The following TDRD3 variants were observed in gnomAD, a reference collection of about 807,000 sequenced individuals.
The protein encoded by TDRD3 is tudor domain-containing protein 3.
TDRD3 carries 45 observed loss-of-function variants against 86.7 expected under a neutral mutation model. The observed-to-expected ratio is 0.52, with a 90% CI of 0.41 to 0.67. TDRD3 has a LOEUF of 0.67. Ranked by LOEUF, TDRD3 falls within the 30% of genes least tolerant of loss-of-function variation. TDRD3 has a pLI of 0.00. For synonymous variants in TDRD3, 298 were observed against 301.7 expected, an observed-to-expected ratio of 0.99 and a Z score of 0.13; for missense variants, 814 against 889.0, an observed-to-expected ratio of 0.92 and a Z score of 1.07.
At chr13:60,530,354 G>A (rs979946865) in intron 11 of TDRD3, among the ~76,000 whole-genome samples, 3 of 152,150 alleles carry the variant, frequency 2.0e-5, no homozygotes, top group Non-Finnish European at 4.4e-5. Flanking sequence ...GGAGACAATA[G>A]CAAGGTAGTA....
intron 12 of TDRD3, among the ~76,000 whole-genome samples, chr13:60,550,517 G>A (rs1195974969): frequency 6.6e-6 from 1 of 152,056 alleles, no homozygotes; most frequent in Non-Finnish European, 1.5e-5. Context: ...TAAAAATGAT[G>A]ACTGTATTTG....
intron 8 of TDRD3, among the ~76,000 whole-genome samples, chr13:60,501,392 G>A (rs761593178): frequency 2.6e-5 from 4 of 152,146 alleles, no homozygotes. Flanking sequence ...CAGCCATTCC[G>A]ATGGGTTGTA....
chr13:60,451,525 C>G (rs1594948554), intron 3 of TDRD3, among the ~76,000 whole-genome samples: 1 of 152,124 alleles, frequency 6.6e-6, no homozygotes, highest in African/African-American at 2.4e-5. Flanking sequence ...TGGAAATTGG[C>G]ACAAATTACA....
intron 2 of TDRD3, among the ~76,000 whole-genome samples, chr13:60,443,244 T>C (rs1242847338): frequency 6.6e-6 from 1 of 152,020 alleles, no homozygotes; most frequent in African/African-American, 2.4e-5. Context: ...CGTCTTAATA[T>C]AGGGAAGGCT....
rs180942754 is a variant in TDRD3 at position 60,527,098 on chromosome 13, G to A, written c.1142-1269G>A. Among the ~76,000 whole-genome samples the A allele has an allele frequency of 2.9e-3, 444 of 152,230 alleles. 10 individuals are homozygous for A. The highest frequency in any genetic ancestry group is 0.027 in the Admixed American group (407 of 15,284). On this transcript the variant is annotated intron_variant, in intron 10 of 13. Coordinates refer to ENST00000377881, the MANE Select transcript of TDRD3 (RefSeq NM_001146070.2). ...AATACACCTGCTTCAGCCTTCCAAA[G>A]TGCTTGGATTACAGGTGTGAGCCAC...
intron 13 of TDRD3, among the ~76,000 whole-genome samples, chr13:60,571,711 G>A (rs914466653): frequency 2.6e-5 from 4 of 151,776 alleles, no homozygotes; most frequent in Non-Finnish European, 5.9e-5. Flanking sequence ...TTTTTTTCAA[G>A]GCCCCCACAG....
chr13:60,397,628 G>GGGCGGCGGCGGGCCTGGGCCCCGGGC (rs570463332), intron 1 of TDRD3, among the ~76,000 whole-genome samples: 1 of 93,564 alleles, frequency 1.1e-5, no homozygotes, highest in African/African-American at 2.9e-5. Context: ...CCTGGGCCCC[G>GGGCGGCGGCGGGCCTGGGCCCCGGGC]GGCGGCGGGC....
At chr13:60,499,138 A>G (rs1595027090) in intron 8 of TDRD3, among the ~76,000 whole-genome samples, 1 of 152,210 alleles carries the variant, frequency 6.6e-6, no homozygotes, top group East Asian at 1.9e-4. Flanking sequence ...ACAATATTGC[A>G]TCCCTGGAGG....
In TDRD3 at chr13:60,529,021, G is replaced by T; in HGVS notation, c.1796G>T (p.Arg599Leu). The T allele has an allele frequency of 6.2e-7, 1 of 1,614,002 alleles. No individual in the cohort carries two copies. The stretch of plus-strand genomic sequence containing the variant: ...GTAGAAATGCCACTGAAAGGAAGAC[G>T]AATAGGACCTATTAAGCCAGCAGGA... Reference protein sequence around the residue: ...GEVEMPLKGRRIGPIKPAGPV... With the variant: ...GEVEMPLKGRLIGPIKPAGPV... Residue 599 changes from arginine to leucine, a missense_variant, in exon 11 of 14, where the codon CGA (arginine) becomes CTA (leucine). By Grantham distance (102) the Arg-to-Leu change is moderately radical (BLOSUM62 -2). Transcript: ENST00000377881.
At chr13:60,462,200 A>T (rs1286748955) in intron 4 of TDRD3, among the ~76,000 whole-genome samples, 1 of 152,102 alleles carries the variant, frequency 6.6e-6, no homozygotes, top group Non-Finnish European at 1.5e-5. Flanking sequence ...ATTCAGTCAC[A>T]CCCCTTGCAA....
At chr13:60,429,523 A>C (rs986372762) in intron 1 of TDRD3, among the ~76,000 whole-genome samples, 3 of 152,196 alleles carry the variant, frequency 2.0e-5, no homozygotes, top group African/African-American at 7.2e-5. Context: ...AAACAATAGC[A>C]GTTCATTTTG....
rs551285755 is a variant in TDRD3 at position 60,560,410 on chromosome 13, A to C, written c.2119-7115A>C. ...CCATAACTTTTATCATTTGGAATTT[A>C]ATAAGGGTGACTTCTCTCCTACTGT... On this transcript the variant is annotated intron_variant, in intron 12 of 13. Transcript: ENST00000377881. 2.5e-3 allele frequency among the ~76,000 whole-genome samples: 385 copies of C among 152,288 alleles called. 4 individuals carry two copies. The highest frequency in any genetic ancestry group is 8.9e-3 in the African/African-American group (369 of 41,568).
chr13:60,461,473 G>A (rs1955801837), intron 4 of TDRD3, among the ~76,000 whole-genome samples: 1 of 152,110 alleles, frequency 6.6e-6, no homozygotes, highest in Non-Finnish European at 1.5e-5. Context: ...GTTTTCTGAG[G>A]TGGAAACTTT....
intron 2 of TDRD3, among the ~76,000 whole-genome samples, chr13:60,442,716 G>A (rs575083571): frequency 7.2e-5 from 11 of 152,156 alleles, no homozygotes; most frequent in East Asian, 1.9e-4. Context: ...AACTTTGAGC[G>A]TGTAGTCTTT....
chr13:60,559,617 G>A (rs984174078), intron 12 of TDRD3, among the ~76,000 whole-genome samples: 1 of 152,164 alleles, frequency 6.6e-6, no homozygotes, highest in Admixed American at 6.5e-5. Context: ...AGGATATTGT[G>A]CTAAATGAAA....
intron 12 of TDRD3, among the ~76,000 whole-genome samples, chr13:60,540,092 G>A (rs1957777027): frequency 6.6e-6 from 1 of 152,060 alleles, no homozygotes; most frequent in Non-Finnish European, 1.5e-5. Flanking sequence ...TTACTGATAA[G>A]TTCTTAAATA....
At position 60,424,774 on chromosome 13, in the gene TDRD3, C is replaced by T. The variant is rs142666896; in HGVS notation, c.42-14914C>T. ...ACTATCTAATTCAAGAACATTTAACCCGATATGCATTGGCATCATTCCCCT... is the reference window on the plus strand; with the variant it reads ...ACTATCTAATTCAAGAACATTTAACTCGATATGCATTGGCATCATTCCCCT... On this transcript the variant is annotated intron_variant, in intron 1 of 13. Coordinates refer to ENST00000377881, the MANE Select transcript of TDRD3 (RefSeq NM_001146070.2). Among the ~76,000 whole-genome samples, 938 of 152,238 alleles carry T rather than the reference C, an allele frequency of 6.2e-3. 14 individuals carry two copies. The highest frequency in any genetic ancestry group is 0.022 in the African/African-American group (900 of 41,546).
At chr13:60,424,466 G>C (rs1021904598) in intron 1 of TDRD3, among the ~76,000 whole-genome samples, 3 of 151,868 alleles carry the variant, frequency 2.0e-5, no homozygotes, top group African/African-American at 4.8e-5. Context: ...TCACTTGAGG[G>C]AGGAGTTCGA....
At chr13:60,478,653 TC>T (rs1177453747) in intron 5 of TDRD3, among the ~76,000 whole-genome samples, 1 of 152,108 alleles carries the variant, frequency 6.6e-6, no homozygotes, top group Non-Finnish European at 1.5e-5. Context: ...ATCTTTTTGT[TC>T]CATTGATCTT....
Sources: allele counts gnomAD v4.1 joint callset (sites outside exome capture counted in the v4.1 genomes callset), GRCh38; gene constraint gnomAD v4.1.1; transcripts MANE v1.5; gene names NCBI Gene and HGNC (gene_info 2026-07-23, HGNC 2026-07-21).